Variants in ADCY8 observed in about 807,000 individuals in gnomAD.
ADCY8 encodes the protein adenylate cyclase type 8.
Under a neutral mutation model 119.7 loss-of-function variants are expected in ADCY8, and 51 were observed. The ratio of observed to expected loss-of-function variants is 0.43; its 90% CI spans 0.34 to 0.54. ADCY8 has a LOEUF of 0.54. ADCY8 is among the 20% of genes least tolerant of loss of function. The probability of loss-of-function intolerance (pLI) is 0.03; values close to 1 mark genes in which losing one functional copy is unlikely to be tolerated. For synonymous variants in ADCY8, 665 were observed against 651.0 expected, an observed-to-expected ratio of 1.02 and a Z score of -0.33; for missense variants, 1,383 against 1,598.8, an observed-to-expected ratio of 0.87 and a Z score of 2.30.
At chr8:130,792,238 G>A (rs1815446215) in intron 15 of ADCY8, among the ~76,000 whole-genome samples, 1 of 152,082 alleles carries the variant, frequency 6.6e-6, no homozygotes, top group Non-Finnish European at 1.5e-5. Context: ...CACTTCACTG[G>A]TGATGCTTCA....
chr8:130,981,451 A>G (rs1365987901), intron 2 of ADCY8, among the ~76,000 whole-genome samples: 1 of 152,256 alleles, frequency 6.6e-6, no homozygotes, highest in Non-Finnish European at 1.5e-5. Flanking sequence ...TCTTCTCTTC[A>G]GCATTTTATA....
In ADCY8 at chr8:130,917,144, C is replaced by A. The variant is rs376216030; in HGVS notation, c.1482-7278G>T. On this transcript the variant is annotated intron_variant, in intron 5 of 17. Transcript: ENST00000286355. ...CTGAGGCTCTGAGAGGATTAAGATG[C>A]GGTTATTACCTCTCCTGTGCTAGGC... is the stretch of plus-strand genomic sequence containing the variant. 5.9e-5 allele frequency among the ~76,000 whole-genome samples: 9 copies of A among 152,252 alleles called. No homozygotes were observed. In the East Asian group the frequency reaches 1.5e-3, roughly 26 times the overall value.
chr8:131,040,094 C>A lies in ADCY8; in HGVS notation c.240G>T (p.Ala80=), dbSNP rs781263983. The change falls in exon 1 of 18, where the codon GCG becomes GCT. Residue 80 remains alanine (A), a synonymous_variant. Transcript: ENST00000286355. The stretch of plus-strand genomic sequence containing the variant: ...GCGCCGAGTCGCCTGACAGCTGCGG[C>A]GCGTGGTGGTTGGGGCCGCCGCCCG... ...DPAGGGPNHH[A]PQLSGDSALP... The A allele has an allele frequency of 4.2e-5, 64 of 1,528,940 alleles. No homozygotes were observed. In the South Asian group the frequency reaches 7.3e-4, roughly 17 times the overall value. The allele number at this position is 1,528,940 out of a possible 1,614,324, so 94.7% of individuals were successfully genotyped here. A position where few individuals can be genotyped will look rare whatever the true frequency, so the allele number is the denominator to read the frequency against.
intron 2 of ADCY8, among the ~76,000 whole-genome samples, chr8:130,974,050 T>A (rs1400026353): frequency 6.6e-6 from 1 of 152,204 alleles, no homozygotes; most frequent in African/African-American, 2.4e-5. Flanking sequence ...CTTGATAATA[T>A]GTGTATACAA....
rs925869146 is a variant in ADCY8, at chr8:130,838,936, C to A, written c.2503-2487G>T. Among the ~76,000 whole-genome samples, 206 of 140,718 alleles carry A rather than the reference C, an allele frequency of 1.5e-3. 38 individuals carry two copies. In the Admixed American group the frequency reaches 0.015, roughly 10 times the overall value. The allele number at this position is 140,718 out of a possible 152,430, so 92.3% of individuals were successfully genotyped here. A position where few individuals can be genotyped will look rare whatever the true frequency, so the allele number is the denominator to read the frequency against. On this transcript the variant is annotated intron_variant, in intron 11 of 17. Transcript: ENST00000286355. Reference sequence around the variant, plus strand: ...CAAAGCGTTGTGCATTCTGCAGGCACATCTGAAGAAGGCTATACAGGGGAC... The same window carrying A: ...CAAAGCGTTGTGCATTCTGCAGGCAAATCTGAAGAAGGCTATACAGGGGAC...
chr8:130,814,131 G>A lies in ADCY8; in HGVS notation c.2851C>T (p.Leu951Phe). 2 of 1,614,124 alleles carry A rather than the reference G, an allele frequency of 1.2e-6. No homozygotes were observed. Among genetic ancestry groups the A allele is most frequent in the South Asian group, 1.1e-5 (1 of 91,064 alleles). Residue 951 changes from leucine (L) to phenylalanine (F), a missense_variant, in exon 14 of 18, where the codon CTC (leucine) becomes TTC (phenylalanine). Leu to Phe is a conservative substitution (Grantham distance 22). Around this residue, in one of 2 missense-constraint regions of ADCY8, gnomAD observed 928 missense variants for 1,163.5 expected, o/e 0.80. Transcript: ENST00000286355. The part of the protein sequence containing the change: ...KELREHNENM[L>F]RNILPSHVAR... ...ACATGGCTGGGTAAGATATTCCGGA[G>A]CATGTTCTCATTGTGTTCCCTCAGC...
At chr8:130,977,129 G>T (rs1457576885) in intron 2 of ADCY8, among the ~76,000 whole-genome samples, 4 of 152,106 alleles carry the variant, frequency 2.6e-5, no homozygotes, top group Non-Finnish European at 1.5e-5. Flanking sequence ...TCCTCACATT[G>T]CCTGGAGAAA....
intron 9 of ADCY8, among the ~76,000 whole-genome samples, chr8:130,850,745 G>A (rs1260652003): frequency 6.6e-6 from 1 of 152,052 alleles, no homozygotes; most frequent in African/African-American, 2.4e-5. Flanking sequence ...CTAAATAAAT[G>A]TGTGTTCAGC....
chr8:130,895,363 C>T (rs1819351433), intron 7 of ADCY8, among the ~76,000 whole-genome samples: 1 of 152,096 alleles, frequency 6.6e-6, no homozygotes. Context: ...GCTTGACAAC[C>T]TAAATGTGTA....
At chr8:130,897,746 A>G (rs1044665352) in intron 7 of ADCY8, among the ~76,000 whole-genome samples, 19 of 1,572 alleles carry the variant, frequency 0.012, 1 homozygote, top group Non-Finnish European at 5.0e-3. Context: ...CACATGCAAC[A>G]TATACATACA....
At chr8:130,919,042 G>A (rs751722744) in intron 5 of ADCY8, among the ~76,000 whole-genome samples, 23 of 152,304 alleles carry the variant, frequency 1.5e-4, no homozygotes, top group African/African-American at 5.1e-4. Flanking sequence ...CAGCCTGGGC[G>A]ACAGAGTGAC....
chr8:130,807,655 C>T (rs1816009174), intron 14 of ADCY8, among the ~76,000 whole-genome samples: 1 of 152,182 alleles, frequency 6.6e-6, no homozygotes, highest in Admixed American at 6.5e-5. Flanking sequence ...TTCCATTCTC[C>T]AGACCTGGGA....
At chr8:130,982,650 G>A (rs1009346135) in intron 2 of ADCY8, among the ~76,000 whole-genome samples, 2 of 152,088 alleles carry the variant, frequency 1.3e-5, no homozygotes, top group African/African-American at 4.8e-5. Context: ...GGTCAATACT[G>A]TCCAATAGAA....
intron 9 of ADCY8, among the ~76,000 whole-genome samples, chr8:130,857,294 T>C (rs1194142844): frequency 6.6e-6 from 1 of 151,800 alleles, no homozygotes; most frequent in Non-Finnish European, 1.5e-5. Context: ...CCTGTCCCAA[T>C]GATAATCCTC....
chr8:130,825,171 C>T (rs935179368), intron 12 of ADCY8, among the ~76,000 whole-genome samples: 5 of 152,336 alleles, frequency 3.3e-5, no homozygotes, highest in Middle Eastern at 3.4e-3. Flanking sequence ...CACTACCTCA[C>T]ATATTTATCA....
At chr8:130,795,128 C>G (rs1376185874) in intron 15 of ADCY8, among the ~76,000 whole-genome samples, 2 of 152,168 alleles carry the variant, frequency 1.3e-5, no homozygotes, top group Non-Finnish European at 2.9e-5. Context: ...AAAAAGTAGA[C>G]TGGAAGAGGC....
At chr8:130,814,018 A>G in intron 14 of ADCY8, 51 bp downstream of exon 14, 1 of 1,604,722 alleles carries the variant, frequency 6.2e-7, no homozygotes, top group Non-Finnish European at 8.5e-7. Context: ...GAACAACTGC[A>G]CATCACCCAC....
chr8:131,035,723 T>C (rs1824132962), intron 1 of ADCY8, among the ~76,000 whole-genome samples: 1 of 152,294 alleles, frequency 6.6e-6, no homozygotes, highest in East Asian at 1.9e-4. Flanking sequence ...AAATGACATT[T>C]TCAGTGAAGT....
At chr8:130,866,513 T>C (rs972116429) in intron 9 of ADCY8, among the ~76,000 whole-genome samples, 2 of 152,214 alleles carry the variant, frequency 1.3e-5, no homozygotes, top group South Asian at 2.1e-4. Context: ...CTATTGGCTC[T>C]TACATTTAAT....
Sources: gnomAD v4.1 joint callset for allele counts (sites outside exome capture counted in the v4.1 genomes callset) on GRCh38, gnomAD v4.1.1 for gene constraint, gnomAD v4.1.1 regional missense constraint, MANE v1.5 for transcripts, NCBI Gene and HGNC (gene_info 2026-07-23, HGNC 2026-07-21) for gene names.